The following DACH1 variants were observed in gnomAD, a reference collection of about 807,000 sequenced individuals.
DACH1 encodes the protein dachshund family transcription factor 1.
DACH1 carries 12 observed loss-of-function variants against 54.2 expected under a neutral mutation model. That is an observed-to-expected ratio of 0.22 (90% CI 0.14 to 0.36). The LOEUF (loss-of-function observed/expected upper bound fraction) is 0.36. Ranked by LOEUF, DACH1 falls within the 10% of genes least tolerant of loss-of-function variation. The pLI is 1.00. For missense variants in DACH1, 805 were observed against 929.8 expected (o/e 0.87, Z 1.75); for synonymous variants, 386 against 366.2 (o/e 1.05, Z -0.62).
At chr13:71,865,764 G>A (rs1032035892) in intron 1 of DACH1, among the ~76,000 whole-genome samples, 158 bp downstream of exon 1, 1 of 151,994 alleles carries the variant, frequency 6.6e-6, no homozygotes, top group African/African-American at 2.4e-5. Flanking sequence ...GGTCGGGCGC[G>A]GCTGGCGAGC....
chr13:71,775,467 G>A (rs1886029343), intron 1 of DACH1, among the ~76,000 whole-genome samples: 1 of 151,778 alleles, frequency 6.6e-6, no homozygotes, highest in South Asian at 2.1e-4. Flanking sequence ...TAGTACAATC[G>A]CAAAATGATT....
intron 4 of DACH1, among the ~76,000 whole-genome samples, chr13:71,563,108 C>T (rs899391958): frequency 6.6e-6 from 1 of 152,012 alleles, no homozygotes; most frequent in Admixed American, 6.6e-5. Context: ...CCTAATACAT[C>T]TAACTGTTAG....
intron 1 of DACH1, among the ~76,000 whole-genome samples, chr13:71,733,125 T>C (rs554040977): frequency 1.3e-5 from 2 of 152,318 alleles, no homozygotes; most frequent in East Asian, 1.9e-4. Flanking sequence ...GCTCACGTTT[T>C]ATTCTAATTT....
At chr13:71,580,533 T>C (rs142925245) in intron 3 of DACH1, among the ~76,000 whole-genome samples, 167 of 152,330 alleles carry the variant, frequency 1.1e-3, no homozygotes, top group Non-Finnish European at 1.9e-3. Context: ...CATGGTTTTA[T>C]ACAATGTTAT....
chr13:71,570,992 G>A (rs935672525), intron 4 of DACH1, among the ~76,000 whole-genome samples: 1 of 152,100 alleles, frequency 6.6e-6, no homozygotes, highest in African/African-American at 2.4e-5. Flanking sequence ...GCTTTTTGAT[G>A]CAGGAATATG....
At chr13:71,815,823 C>T (rs965808725) in intron 1 of DACH1, among the ~76,000 whole-genome samples, 3 of 152,162 alleles carry the variant, frequency 2.0e-5, no homozygotes, top group South Asian at 2.1e-4. Context: ...CGGTGGCTCA[C>T]GCCTGTAATC....
At chr13:71,474,769 G>T (rs916477076) in intron 10 of DACH1, among the ~76,000 whole-genome samples, 1 of 152,142 alleles carries the variant, frequency 6.6e-6, no homozygotes, top group Non-Finnish European at 1.5e-5. Context: ...TTTTTAAATT[G>T]TAAGAACTAC....
intron 1 of DACH1, among the ~76,000 whole-genome samples, chr13:71,795,601 T>C (rs538776648): frequency 2.0e-5 from 3 of 152,188 alleles, no homozygotes; most frequent in Non-Finnish European, 4.4e-5. Flanking sequence ...GCACTTAGTA[T>C]AATGTCTGAT....
intron 1 of DACH1, among the ~76,000 whole-genome samples, chr13:71,731,244 T>A (rs768646166): frequency 2.6e-5 from 4 of 151,946 alleles, no homozygotes; most frequent in Non-Finnish European, 5.9e-5. Context: ...GCAAGGTGAT[T>A]TTAAGCAAGC....
chr13:71,469,012 A>G (rs993446871), intron 10 of DACH1, among the ~76,000 whole-genome samples: 1 of 152,218 alleles, frequency 6.6e-6, no homozygotes, highest in Non-Finnish European at 1.5e-5. Flanking sequence ...AAAATGAGTG[A>G]TGTGGTTGGG....
At chr13:71,625,761 C>CACTAATTGTGGAA (rs1331350876) in intron 3 of DACH1, among the ~76,000 whole-genome samples, 1 of 151,930 alleles carries the variant, frequency 6.6e-6, no homozygotes. Context: ...TGTACCCTTG[C>CACTAATTGTGGAA]CTATGTTCCA....
intron 1 of DACH1, among the ~76,000 whole-genome samples, chr13:71,712,649 A>G (rs1882774368): frequency 6.6e-6 from 1 of 152,196 alleles, no homozygotes; most frequent in African/African-American, 2.4e-5. Flanking sequence ...CTGGCCTATT[A>G]CATATCACAA....
At chr13:71,631,705 C>T (rs978570520) in intron 2 of DACH1, among the ~76,000 whole-genome samples, 5 of 152,130 alleles carry the variant, frequency 3.3e-5, no homozygotes, top group Non-Finnish European at 5.9e-5. Flanking sequence ...ACTCTGGCCT[C>T]GGAGTTGACA....
At chr13:71,825,114 T>G (rs1257058177) in intron 1 of DACH1, among the ~76,000 whole-genome samples, 1 of 152,074 alleles carries the variant, frequency 6.6e-6, no homozygotes, top group Non-Finnish European at 1.5e-5. Context: ...TTTAAACATA[T>G]TTCAAACGAA....
intron 6 of DACH1, among the ~76,000 whole-genome samples, chr13:71,521,275 T>C (rs1046900185): frequency 1.3e-5 from 2 of 152,020 alleles, no homozygotes; most frequent in African/African-American, 4.8e-5. Flanking sequence ...ATTAATACTA[T>C]ACCTTTTGAA....
chr13:71,730,165 C>T (rs932361006), intron 1 of DACH1, among the ~76,000 whole-genome samples: 2 of 151,780 alleles, frequency 1.3e-5, no homozygotes, highest in Non-Finnish European at 2.9e-5. Context: ...CTAACCTGCA[C>T]ATTGTGCACA....
chr13:71,444,972 T>C (rs1874320361), intron 10 of DACH1, among the ~76,000 whole-genome samples: 4 of 152,008 alleles, frequency 2.6e-5, no homozygotes, highest in Admixed American at 2.0e-4. Context: ...CTATTGAACT[T>C]CTCTACAAAG....
At chr13:71,559,686 G>C in intron 5 of DACH1, 134 bp downstream of exon 5, 1 of 1,107,460 alleles carries the variant, frequency 9.0e-7, no homozygotes, top group South Asian at 1.5e-5. Flanking sequence ...ATAATTTTGA[G>C]AGATGGCTAT....
chr13:71,825,724 A>T (rs573457113), intron 1 of DACH1, among the ~76,000 whole-genome samples: 3 of 152,110 alleles, frequency 2.0e-5, no homozygotes, highest in Admixed American at 6.6e-5. Flanking sequence ...TTGGCTTGTT[A>T]TTTTGTTTGG....
Sources: allele counts gnomAD v4.1 joint callset (sites outside exome capture counted in the v4.1 genomes callset), GRCh38; gene constraint gnomAD v4.1.1; transcripts MANE v1.5; gene names NCBI Gene and HGNC (gene_info 2026-07-23, HGNC 2026-07-21).